Variants in EPHA7 observed in about 807,000 individuals in gnomAD.
EPHA7 encodes the protein ephrin type-A receptor 7.
A neutral mutation model predicts 112.6 loss-of-function variants in EPHA7; 25 were observed. The observed-to-expected ratio is 0.22, with a 90% CI of 0.16 to 0.31. The LOEUF is 0.31. EPHA7 is among the 10% of genes least tolerant of loss of function. EPHA7 has a pLI of 1.00. For synonymous variants in EPHA7, 437 were observed against 406.5 expected (o/e 1.07, Z -0.90); for missense variants, 962 against 1,212.6 (o/e 0.79, Z 3.07).
rs114509106 is a variant in EPHA7, at chr6:93,387,859, G to A, written c.832+22642C>T. The stretch of plus-strand genomic sequence containing the variant: ...GCATGAGGTCCCTCCCCCAATACCG[G>A]TGGATTACAATTCAAGATGAGATTT... On this transcript the variant is annotated intron_variant, in intron 3 of 16. Transcript: ENST00000369303. Among the ~76,000 whole-genome samples, 1,300 of 151,860 alleles carry A rather than the reference G, an allele frequency of 8.6e-3. 18 individuals are homozygous for A. Among genetic ancestry groups the A allele is most frequent in the African/African-American group, 0.03 (1,239 of 41,418 alleles).
At chr6:93,327,600 T>G (rs920247934) in intron 5 of EPHA7, among the ~76,000 whole-genome samples, 1 of 151,526 alleles carries the variant, frequency 6.6e-6, no homozygotes, top group African/African-American at 2.4e-5. Flanking sequence ...TTATTTCATC[T>G]TTTCAAAAGT....
At chr6:93,370,611 G>A (rs1776740431) in intron 3 of EPHA7, among the ~76,000 whole-genome samples, 1 of 151,944 alleles carries the variant, frequency 6.6e-6, no homozygotes, top group African/African-American at 2.4e-5. Context: ...TACATCTTTT[G>A]TTTTCTTTTA....
At chr6:93,288,417 A>C (rs1352030448) in intron 5 of EPHA7, among the ~76,000 whole-genome samples, 2 of 152,198 alleles carry the variant, frequency 1.3e-5, no homozygotes, top group East Asian at 3.9e-4. Context: ...ATGGGAATAC[A>C]TGTAAATGGG....
chr6:93,367,220 A>C (rs1776559002), intron 3 of EPHA7, among the ~76,000 whole-genome samples: 1 of 152,208 alleles, frequency 6.6e-6, no homozygotes, highest in South Asian at 2.1e-4. Flanking sequence ...GGCAACAATT[A>C]GGAGAGTTCT....
intron 3 of EPHA7, among the ~76,000 whole-genome samples, chr6:93,385,490 T>G (rs1456019587): frequency 6.6e-6 from 1 of 152,054 alleles, no homozygotes; most frequent in Non-Finnish European, 1.5e-5. Context: ...TAATTTATAC[T>G]GGAATATTCT....
chr6:93,314,884 A>T (rs1773720547), intron 5 of EPHA7, among the ~76,000 whole-genome samples: 1 of 113,778 alleles, frequency 8.8e-6, no homozygotes, highest in Non-Finnish European at 1.7e-5. Context: ...TTTTTTTGAG[A>T]CGGAGTCTCG....
chr6:93,356,545 G>A (rs1775956616), intron 5 of EPHA7, among the ~76,000 whole-genome samples, 172 bp downstream of exon 5: 1 of 152,122 alleles, frequency 6.6e-6, no homozygotes, highest in Non-Finnish European at 1.5e-5. Context: ...CTCTGAAGAT[G>A]TTAATGAGTA....
At chr6:93,373,914 A>G (rs1257992911) in intron 3 of EPHA7, among the ~76,000 whole-genome samples, 1 of 152,150 alleles carries the variant, frequency 6.6e-6, no homozygotes, top group Admixed American at 6.5e-5. Context: ...AAAGGCTTTC[A>G]CAATATACCT....
intron 5 of EPHA7, among the ~76,000 whole-genome samples, chr6:93,337,771 A>G (rs967441472): frequency 6.6e-6 from 1 of 152,144 alleles, no homozygotes; most frequent in African/African-American, 2.4e-5. Context: ...ACAGGATGGA[A>G]AAAGCAGCAG....
chr6:93,364,251 C>T (rs533746920), intron 3 of EPHA7, among the ~76,000 whole-genome samples: 25 of 152,184 alleles, frequency 1.6e-4, no homozygotes, highest in Admixed American at 8.5e-4. Flanking sequence ...GGGCCGGGCA[C>T]GGTGGCTCAT....
chr6:93,416,050 G>A (rs902293713), intron 1 of EPHA7, among the ~76,000 whole-genome samples: 2 of 151,126 alleles, frequency 1.3e-5, no homozygotes, highest in African/African-American at 4.9e-5. Context: ...TTGTTTCTTT[G>A]TTTAGTGTTT....
chr6:93,357,021 G>A lies in EPHA7; in HGVS notation c.1020C>T (p.Phe340=). Residue 340 remains phenylalanine (F), a synonymous_variant, in exon 5 of 17, where the codon TTC becomes TTT. Coordinates refer to ENST00000369303, the MANE Select transcript of EPHA7 (RefSeq NM_004440.4). The part of the protein sequence containing the change: ...RPPSAPQNLI[F]NINQTTVSLE... ...AACTTACTGTGGTTTGGTTGATGTT[G>A]AAAATGAGGTTCTGTGGTGCAGATG... is the stretch of plus-strand genomic sequence containing the variant. The A allele has an allele frequency of 6.2e-7, 1 of 1,613,368 alleles. No homozygotes were observed. The highest frequency in any genetic ancestry group is 8.5e-7 in the Non-Finnish European group (1 of 1,179,768).
intron 2 of EPHA7, among the ~76,000 whole-genome samples, chr6:93,413,322 C>T (rs1296399787): frequency 6.6e-6 from 1 of 151,684 alleles, no homozygotes; most frequent in African/African-American, 2.4e-5. Context: ...GATAAAATGC[C>T]CATTTGAGTC....
chr6:93,399,019 G>A (rs1364477182), intron 3 of EPHA7, among the ~76,000 whole-genome samples: 1 of 152,018 alleles, frequency 6.6e-6, no homozygotes, highest in East Asian at 1.9e-4. Context: ...TTAAAAGTCA[G>A]TTTTGAGAAA....
At chr6:93,363,816 T>C (rs1158499472) in intron 3 of EPHA7, among the ~76,000 whole-genome samples, 2 of 152,200 alleles carry the variant, frequency 1.3e-5, no homozygotes, top group Admixed American at 1.3e-4. Context: ...AACAACCTAA[T>C]GTCCATCAAC....
Position 93,269,664 on chromosome 6 carries a change from G to T in EPHA7, c.1450-4C>A. 6.6e-7 allele frequency: 1 copy of T among 1,505,496 alleles called. No homozygotes were observed. The highest frequency in any genetic ancestry group is 8.8e-7 in the Non-Finnish European group (1 of 1,130,928). The allele number at this position is 1,505,496 out of a possible 1,614,324, so 93.3% of individuals were successfully genotyped here. ...AGTAGGTCCGTTCCCTTTGATCCTAGAAACAATATTTAGAGGAAATATTTA... is the reference window on the plus strand; with the variant it reads ...AGTAGGTCCGTTCCCTTTGATCCTATAAACAATATTTAGAGGAAATATTTA... On this transcript the variant is annotated splice_polypyrimidine_tract_variant and splice_region_variant and intron_variant, in intron 6 of 16. Coordinates refer to ENST00000369303, the MANE Select transcript of EPHA7 (RefSeq NM_004440.4).
intron 5 of EPHA7, among the ~76,000 whole-genome samples, chr6:93,327,577 C>A (rs1159656769): frequency 6.6e-6 from 1 of 151,486 alleles, no homozygotes; most frequent in African/African-American, 2.4e-5. Flanking sequence ...ATTTTTCTGT[C>A]TAGAGTTACT....
At chr6:93,364,461 C>T (rs966193139) in intron 3 of EPHA7, among the ~76,000 whole-genome samples, 5 of 148,996 alleles carry the variant, frequency 3.4e-5, no homozygotes, top group African/African-American at 1.2e-4. Flanking sequence ...GAGGTGAAGG[C>T]TGCAGTGAGC....
rs757136050 is a variant in EPHA7 at position 93,308,071 on chromosome 6, C to G, written c.1325-35649G>C. ...GAGAAATGCTAGTGTGCAGAAAAAG[C>G]TAACAATAATCAGTCACCGAAAACT... On this transcript the variant is annotated intron_variant, in intron 5 of 16. Coordinates refer to ENST00000369303, the MANE Select transcript of EPHA7 (RefSeq NM_004440.4). Among the ~76,000 whole-genome samples, 3 of 152,090 alleles carry G rather than the reference C, an allele frequency of 2.0e-5. No homozygotes were observed. In the East Asian group the frequency reaches 5.8e-4, roughly 29 times the overall value.
Sources: allele counts gnomAD v4.1 joint callset (sites outside exome capture counted in the v4.1 genomes callset), GRCh38; gene constraint gnomAD v4.1.1; transcripts MANE v1.5; gene names NCBI Gene and HGNC (gene_info 2026-07-23, HGNC 2026-07-21).